ZCCHC7: variants seen among roughly 807,000 people sequenced by gnomAD.
The protein encoded by ZCCHC7 is zinc finger CCHC domain-containing protein 7.
A neutral mutation model predicts 52.0 loss-of-function variants in ZCCHC7; 35 were observed. The observed-to-expected ratio is 0.67, with a 90% CI of 0.51 to 0.89. The LOEUF is 0.89. Among genes scored for constraint, ZCCHC7 ranks in the 40% least tolerant of loss-of-function variants. The pLI is 0.00. For missense variants in ZCCHC7, 574 were observed against 649.1 expected, an observed-to-expected ratio of 0.88 and a Z score of 1.26; for synonymous variants, 217 against 221.5, an observed-to-expected ratio of 0.98 and a Z score of 0.18.
At chr9:37,286,579 T>TCC (rs1828217394) in intron 2 of ZCCHC7, among the ~76,000 whole-genome samples, 1 of 151,352 alleles carries the variant, frequency 6.6e-6, no homozygotes, top group East Asian at 2.0e-4. Flanking sequence ...AGTCCGGGAG[T>TCC]CTGAGGCTGC....
intron 2 of ZCCHC7, among the ~76,000 whole-genome samples, chr9:37,211,472 T>C (rs1011216638): frequency 6.6e-6 from 1 of 152,200 alleles, no homozygotes; most frequent in African/African-American, 2.4e-5. Flanking sequence ...CATCAAATAC[T>C]GAGTTCTCTC....
intron 2 of ZCCHC7, among the ~76,000 whole-genome samples, chr9:37,187,811 A>G (rs898922562): frequency 1.3e-5 from 2 of 151,722 alleles, no homozygotes; most frequent in South Asian, 4.2e-4. Context: ...AATTTTCGAT[A>G]CAGGGTTGGT....
chr9:37,237,729 A>G (rs1174066453), intron 2 of ZCCHC7, among the ~76,000 whole-genome samples: 1 of 152,216 alleles, frequency 6.6e-6, no homozygotes, highest in Non-Finnish European at 1.5e-5. Flanking sequence ...TGCAAGTTTA[A>G]TATGCAAGAG....
chr9:37,345,479 G>A (rs1206795391), intron 6 of ZCCHC7, among the ~76,000 whole-genome samples: 1 of 152,192 alleles, frequency 6.6e-6, no homozygotes, highest in Non-Finnish European at 1.5e-5. Context: ...TGTAATCCCA[G>A]CATTTGGGGA....
intron 2 of ZCCHC7, among the ~76,000 whole-genome samples, chr9:37,234,748 A>G (rs1825564505): frequency 6.6e-6 from 1 of 152,214 alleles, no homozygotes; most frequent in African/African-American, 2.4e-5. Flanking sequence ...AAATAATTTT[A>G]AATAGTCTTT....
At position 37,258,757 on chromosome 9, in the gene ZCCHC7, T is replaced by TAAA. The variant is rs5897683; in HGVS notation, c.611-43405_611-43403dup. On this transcript the variant is annotated intron_variant, in intron 2 of 8. Coordinates refer to ENST00000336755, the MANE Select transcript of ZCCHC7 (RefSeq NM_032226.3). ...GGTGAGAGAGCGAGATCCTGTCTCTTAAAAAAAAAAAAAAAAAAAAAAAAA... is the reference window on the plus strand; with the variant it reads ...GGTGAGAGAGCGAGATCCTGTCTCTTAAAAAAAAAAAAAAAAAAAAAAAAAAAA... Among the ~76,000 whole-genome samples, 461 of 55,342 alleles carry TAAA rather than the reference T, an allele frequency of 8.3e-3. 39 individuals carry two copies. The highest frequency in any genetic ancestry group is 0.033 in the African/African-American group (379 of 11,618). 36.3% of individuals were successfully genotyped at this position (55,342 alleles called of 152,430 possible).
intron 2 of ZCCHC7, 37 bp from the exon 3 acceptor site, chr9:37,302,151 A>G: frequency 6.4e-7 from 1 of 1,558,632 alleles, no homozygotes; most frequent in Non-Finnish European, 8.8e-7. Context: ...GTCCTTTAAA[A>G]GTGCCACGGT....
At chr9:37,137,225 C>T (rs1283593211) in intron 2 of ZCCHC7, among the ~76,000 whole-genome samples, 1 of 152,104 alleles carries the variant, frequency 6.6e-6, no homozygotes, top group Admixed American at 6.5e-5. Flanking sequence ...GATGCTCCAG[C>T]AGAATACGTA....
intron 3 of ZCCHC7, 29 bp downstream of exon 3, chr9:37,302,260 A>G: frequency 6.4e-7 from 1 of 1,555,234 alleles, no homozygotes; most frequent in Non-Finnish European, 8.8e-7. Flanking sequence ...TAAAATTCAG[A>G]ATAATAATTT....
chr9:37,287,290 A>G (rs371777570), intron 2 of ZCCHC7, among the ~76,000 whole-genome samples: 4 of 151,746 alleles, frequency 2.6e-5, no homozygotes, highest in African/African-American at 4.8e-5. Flanking sequence ...ATTAAAATCA[A>G]TTTCTTCAAA....
At chr9:37,353,691 T>C (rs1364421331) in intron 7 of ZCCHC7, among the ~76,000 whole-genome samples, 1 of 152,232 alleles carries the variant, frequency 6.6e-6, no homozygotes, top group Admixed American at 6.5e-5. Flanking sequence ...ATTGTGTGTT[T>C]AGAATGATTT....
chr9:37,347,177 C>T (rs1174537321), intron 6 of ZCCHC7, among the ~76,000 whole-genome samples: 1 of 151,436 alleles, frequency 6.6e-6, no homozygotes, highest in Non-Finnish European at 1.5e-5. Context: ...CCTCAGAGGT[C>T]TGTGTCCATC....
intron 2 of ZCCHC7, among the ~76,000 whole-genome samples, chr9:37,209,351 A>C (rs1371683607): frequency 6.6e-6 from 1 of 151,404 alleles, no homozygotes; most frequent in African/African-American, 2.4e-5. Context: ...TTTTTTTTTT[A>C]AAGTTCCAAG....
chr9:37,163,289 G>A (rs776285007), intron 2 of ZCCHC7, among the ~76,000 whole-genome samples: 3 of 151,282 alleles, frequency 2.0e-5, no homozygotes, highest in Non-Finnish European at 2.9e-5. Context: ...TTGGGAGGCT[G>A]AGGCACAAGA....
At chr9:37,349,851 G>A (rs1365087005) in intron 7 of ZCCHC7, among the ~76,000 whole-genome samples, 1 of 151,902 alleles carries the variant, frequency 6.6e-6, no homozygotes, top group Non-Finnish European at 1.5e-5. Context: ...GCAGTGGTGC[G>A]ATCTCAGCTC....
intron 2 of ZCCHC7, among the ~76,000 whole-genome samples, chr9:37,239,690 GGATA>G (rs1484771461): frequency 6.6e-6 from 1 of 152,058 alleles, no homozygotes; most frequent in African/African-American, 2.4e-5. Flanking sequence ...ATTCATCACA[GGATA>G]GTTAGAAATA....
At chr9:37,238,497 T>C (rs899111267) in intron 2 of ZCCHC7, among the ~76,000 whole-genome samples, 2 of 152,170 alleles carry the variant, frequency 1.3e-5, no homozygotes, top group Non-Finnish European at 2.9e-5. Flanking sequence ...TTGAGGAGAA[T>C]AGAAAATGGA....
intron 2 of ZCCHC7, among the ~76,000 whole-genome samples, chr9:37,301,568 C>A (rs773476763): frequency 4.6e-5 from 7 of 152,112 alleles, no homozygotes; most frequent in Non-Finnish European, 1.0e-4. Flanking sequence ...CCACTGTACT[C>A]CAGTCTTGGC....
At chr9:37,176,476 A>G (rs757734067) in intron 2 of ZCCHC7, among the ~76,000 whole-genome samples, 15 of 152,014 alleles carry the variant, frequency 9.9e-5, no homozygotes, top group Non-Finnish European at 1.5e-4. Flanking sequence ...TTAAAAGAAC[A>G]TTTTATCACT....
Sources: gnomAD v4.1 joint callset for allele counts (sites outside exome capture counted in the v4.1 genomes callset) on GRCh38, gnomAD v4.1.1 for gene constraint, MANE v1.5 for transcripts, NCBI Gene and HGNC (gene_info 2026-07-23, HGNC 2026-07-21) for gene names.